VWA8: variants seen among roughly 807,000 people sequenced by gnomAD.
The protein encoded by VWA8 is von Willebrand factor A domain containing 8, also known as von Willebrand factor A domain-containing protein 8.
Under a neutral mutation model 241.5 loss-of-function variants are expected in VWA8, and 221 were observed. The ratio of observed to expected loss-of-function variants is 0.91; its 90% CI spans 0.82 to 1.02. The LOEUF is 1.02. Ranked by LOEUF, VWA8 falls within the 50% of genes least tolerant of loss-of-function variation. The pLI is 0.00. For synonymous variants in VWA8, 852 were observed against 827.1 expected (o/e 1.03, Z -0.52); for missense variants, 2,322 against 2,328.7 (o/e 1.00, Z 0.06).
Position 41,567,972 on chromosome 13 carries a change from T to TAATC in VWA8, c.*221_*224dup. On this transcript the variant is annotated 3_prime_UTR_variant, in exon 45 of 45. Coordinates refer to ENST00000379310, the MANE Select transcript of VWA8 (RefSeq NM_015058.2). ...AAAGTGCAGGTCAACTAGCTTGCCC[T>TAATC]AATCACTTCTAAACTCATCAGTGGA... The TAATC allele has an allele frequency of 4.4e-6, 2 of 450,118 alleles. No individual in the cohort carries two copies. Among genetic ancestry groups the TAATC allele is most frequent in the Non-Finnish European group, 3.9e-6 (1 of 255,572 alleles). The allele number at this position is 450,118 out of a possible 1,614,324, so 27.9% of individuals were successfully genotyped here.
At chr13:41,568,915 A>AAACTT in intron 44 of VWA8, among the ~76,000 whole-genome samples, 1 of 152,372 alleles carries the variant, frequency 6.6e-6, no homozygotes, top group East Asian at 1.9e-4. Context: ...GAATTTTAAA[A>AAACTT]AACTTATAAT....
At chr13:41,675,166 C>G in intron 36 of VWA8, 49 bp downstream of exon 36, 1 of 1,385,066 alleles carries the variant, frequency 7.2e-7, no homozygotes, top group Non-Finnish European at 1.0e-6. Context: ...CAAGAATTTA[C>G]TCATTTTTTA....
At chr13:41,915,701 T>C (rs541437504) in intron 2 of VWA8, among the ~76,000 whole-genome samples, 73 of 152,322 alleles carry the variant, frequency 4.8e-4, no homozygotes, top group African/African-American at 1.6e-3. Flanking sequence ...AAGTTCTACC[T>C]TTAGAGTAAG....
intron 21 of VWA8, among the ~76,000 whole-genome samples, chr13:41,735,886 C>A (rs1178869599): frequency 6.6e-6 from 1 of 151,976 alleles, no homozygotes; most frequent in Non-Finnish European, 1.5e-5. Flanking sequence ...TCAGAGGGTG[C>A]TTGATTAAAA....
intron 15 of VWA8, 78 bp from the exon 16 acceptor site, chr13:41,816,853 C>G (rs990192585): frequency 9.5e-7 from 1 of 1,052,606 alleles, no homozygotes; most frequent in African/African-American, 1.6e-5. Flanking sequence ...ATTATGACTA[C>G]TTAGCAAATA....
intron 37 of VWA8, among the ~76,000 whole-genome samples, chr13:41,643,930 AG>A (rs35914359): frequency 6.6e-6 from 1 of 152,170 alleles, no homozygotes; most frequent in African/African-American, 2.4e-5. Context: ...CATTACCACA[AG>A]GAAACATAGT....
At chr13:41,856,753 G>A (rs1057492618) in intron 12 of VWA8, among the ~76,000 whole-genome samples, 4 of 152,024 alleles carry the variant, frequency 2.6e-5, no homozygotes, top group African/African-American at 9.7e-5. Context: ...GAGCCTGGAA[G>A]GCGGAGGTTG....
At chr13:41,806,016 AAG>A (rs1870188412) in intron 17 of VWA8, among the ~76,000 whole-genome samples, 1 of 151,500 alleles carries the variant, frequency 6.6e-6, no homozygotes, top group Admixed American at 6.6e-5. Flanking sequence ...AAAAAAAAAA[AAG>A]AAATGATGTC....
intron 9 of VWA8, among the ~76,000 whole-genome samples, chr13:41,873,345 A>T (rs919149835): frequency 2.0e-5 from 3 of 152,216 alleles, no homozygotes; most frequent in African/African-American, 7.2e-5. Context: ...AGCAGAACTG[A>T]AGGAAATTGA....
At chr13:41,771,886 CTT>C (rs10639837) in intron 20 of VWA8, among the ~76,000 whole-genome samples, 4 of 100,270 alleles carry the variant, frequency 4.0e-5, no homozygotes, top group Non-Finnish European at 3.9e-5. Context: ...CCAGCAGGGA[CTT>C]TTTTTTTTTT....
At chr13:41,754,338 T>C (rs944240380) in intron 21 of VWA8, among the ~76,000 whole-genome samples, 1 of 152,112 alleles carries the variant, frequency 6.6e-6, no homozygotes, top group East Asian at 1.9e-4. Context: ...TCTGCCACCA[T>C]GTGAGACATG....
intron 2 of VWA8, among the ~76,000 whole-genome samples, chr13:41,944,135 T>C (rs1030357280): frequency 7.2e-6 from 1 of 138,602 alleles, no homozygotes; most frequent in African/African-American, 2.7e-5. Flanking sequence ...ATAATAATAA[T>C]AAATAAATAA....
At chr13:41,738,257 C>T (rs993064465) in intron 21 of VWA8, among the ~76,000 whole-genome samples, 1 of 152,040 alleles carries the variant, frequency 6.6e-6, no homozygotes, top group Non-Finnish European at 1.5e-5. Context: ...GTCAATCACT[C>T]ATCACTAACA....
At chr13:41,732,942 T>C (rs1320603105) in intron 21 of VWA8, among the ~76,000 whole-genome samples, 1 of 152,248 alleles carries the variant, frequency 6.6e-6, no homozygotes, top group Non-Finnish European at 1.5e-5. Context: ...TTTGTATCTT[T>C]GCCTTCTATC....
At chr13:41,882,146 T>C (rs1323248526) in intron 9 of VWA8, among the ~76,000 whole-genome samples, 10 of 125,912 alleles carry the variant, frequency 7.9e-5, no homozygotes, top group South Asian at 5.3e-4. Context: ...CGGGTGGAGG[T>C]GCTCCTCACA....
chr13:41,910,880 A>G (rs996035878), intron 3 of VWA8, among the ~76,000 whole-genome samples: 3 of 152,186 alleles, frequency 2.0e-5, no homozygotes, highest in Non-Finnish European at 4.4e-5. Context: ...GTAGATTTCA[A>G]TAGCATTGAA....
chr13:41,882,633 C>T (rs1874295567), intron 9 of VWA8, among the ~76,000 whole-genome samples: 1 of 152,224 alleles, frequency 6.6e-6, no homozygotes, highest in Admixed American at 6.5e-5. Context: ...GAAACCCCGT[C>T]TCCACCAAAA....
intron 37 of VWA8, 139 bp from the exon 38 acceptor site, chr13:41,615,223 G>A: frequency 1.3e-6 from 1 of 769,342 alleles, no homozygotes; most frequent in Non-Finnish European, 2.0e-6. Flanking sequence ...AATGCTGTGA[G>A]TATTTGGCAA....
At chr13:41,887,024 A>T (rs1874577324) in intron 6 of VWA8, among the ~76,000 whole-genome samples, 173 bp downstream of exon 6, 1 of 152,220 alleles carries the variant, frequency 6.6e-6, no homozygotes, top group Admixed American at 6.5e-5. Flanking sequence ...AAATAATGCC[A>T]TAATAATTTT....
Sources: gnomAD v4.1 joint callset for allele counts (sites outside exome capture counted in the v4.1 genomes callset) on GRCh38, gnomAD v4.1.1 for gene constraint, MANE v1.5 for transcripts, NCBI Gene and HGNC (gene_info 2026-07-23, HGNC 2026-07-21) for gene names.